The following EPB41L1 variants were observed in gnomAD, a reference collection of about 807,000 sequenced individuals.
The protein encoded by EPB41L1 is band 4.1-like protein 1.
A neutral mutation model predicts 97.8 loss-of-function variants in EPB41L1; 29 were observed. That is an observed-to-expected ratio of 0.30 (90% CI 0.22 to 0.40). The LOEUF (loss-of-function observed/expected upper bound fraction) is 0.40. EPB41L1 is among the 10% of genes least tolerant of loss of function. The pLI, the probability that EPB41L1 is intolerant of heterozygous loss-of-function variation, is 1.00. For missense variants in EPB41L1, 812 were observed against 1,162.3 expected, an observed-to-expected ratio of 0.70 and a Z score of 4.38; for synonymous variants, 383 against 459.2, an observed-to-expected ratio of 0.83 and a Z score of 2.12.
Position 36,206,933 on chromosome 20 carries a change from G to A in EPB41L1, c.1669-2555G>A, listed in dbSNP as rs546893182. 9 of 1,289,922 alleles carry A rather than the reference G, an allele frequency of 7.0e-6. No individual in the cohort carries two copies. In the East Asian group the frequency reaches 2.8e-4, roughly 40 times the overall value. The allele number at this position is 1,289,922 out of a possible 1,614,324, so 79.9% of individuals were successfully genotyped here. On this transcript the variant is annotated intron_variant, in intron 14 of 21. Coordinates refer to ENST00000338074, the MANE Select transcript of EPB41L1 (RefSeq NM_012156.2). The surrounding 1 kb of genome is among the most constrained non-coding windows in gnomAD (Gnocchi z 5.5). ...GACCCCCAGGCCTGCGCCCTTCCTC[G>A]GGCCATCCCTCTGAATGTCAGGAAG...
intron 2 of EPB41L1, among the ~76,000 whole-genome samples, chr20:36,116,636 C>T (rs986437780): frequency 1.3e-5 from 2 of 152,324 alleles, no homozygotes; most frequent in South Asian, 4.1e-4. Flanking sequence ...GTGCTCCAGG[C>T]ACCAGAATGG....
Position 36,157,240 on chromosome 20 carries a change from G to A in EPB41L1, c.-15+2344G>A, listed in dbSNP as rs6060829. The stretch of plus-strand genomic sequence containing the variant: ...TCCCTCTCAAAGAAAAAAAAAGGGC[G>A]GGGAGGATGATCATCTCTGCCTGGA... On this transcript the variant is annotated intron_variant, in intron 1 of 21. Transcript: ENST00000338074. 3.1e-3 allele frequency among the ~76,000 whole-genome samples: 470 copies of A among 152,188 alleles called. 7 individuals are homozygous for A. Among genetic ancestry groups the A allele is most frequent in the African/African-American group, 0.011 (439 of 41,540 alleles).
At chr20:36,168,138 C>T (rs1054214113) in intron 1 of EPB41L1, among the ~76,000 whole-genome samples, 1 of 152,146 alleles carries the variant, frequency 6.6e-6, no homozygotes, top group African/African-American at 2.4e-5. Flanking sequence ...GCTGAGTGCC[C>T]CTGGAAGGTG....
rs577211237 is a variant in EPB41L1, at chr20:36,206,634, C to T, written c.1669-2854C>T. The T allele has an allele frequency of 2.7e-4, 343 of 1,289,772 alleles. No individual in the cohort carries two copies. Among genetic ancestry groups the T allele is most frequent in the Admixed American group, 3.7e-4 (16 of 43,566 alleles). 79.9% of individuals were successfully genotyped at this position (1,289,772 alleles called of 1,614,324 possible). ...CTGCTGCTTCCAGCAGGAGCAAGGA[C>T]GAAGCCCACATGACTTCCCCAAAGG... is the stretch of plus-strand genomic sequence containing the variant. On this transcript the variant is annotated intron_variant, in intron 14 of 21. Coordinates refer to ENST00000338074, the MANE Select transcript of EPB41L1 (RefSeq NM_012156.2). The surrounding 1 kb of genome is among the most constrained non-coding windows in gnomAD (Gnocchi z 5.5).
At chr20:36,126,158 A>G (rs912997608) in intron 2 of EPB41L1, among the ~76,000 whole-genome samples, 1 of 152,024 alleles carries the variant, frequency 6.6e-6, no homozygotes, top group Non-Finnish European at 1.5e-5. Context: ...TCTTTCTAAA[A>G]TCTCTGAATG....
chr20:36,218,805 C>A, intron 17 of EPB41L1, 71 bp from the exon 18 acceptor site: 1 of 1,406,088 alleles, frequency 7.1e-7, no homozygotes, highest in Non-Finnish European at 1.0e-6. Context: ...AGCTACATGG[C>A]CACATGCTCC....
chr20:36,178,533 G>T, intron 4 of EPB41L1, 97 bp from the exon 5 acceptor site: 1 of 1,239,316 alleles, frequency 8.1e-7, no homozygotes, highest in South Asian at 1.2e-5. Flanking sequence ...TCCCTACAAG[G>T]GGCTGCTGAC....
rs539561937 is a variant in EPB41L1 at position 36,187,680 on chromosome 20, A to T, written c.790A>T (p.Met264Leu). The T allele has an allele frequency of 5.6e-6, 9 of 1,613,484 alleles. No individual in the cohort carries two copies. The highest frequency in any genetic ancestry group is 6.8e-6 in the Non-Finnish European group (8 of 1,179,612). ...TGATCACTTTCTTTCCCTCAGGGGG[A>T]TGACCCCGGGAGAAGCAGAAATCCA... ...IMELHKTYRGMTPGEAEIHFL... is the reference protein window; with the variant it reads ...IMELHKTYRGLTPGEAEIHFL... The change falls in exon 8 of 22, where the codon ATG becomes TTG. Residue 264 changes from methionine to leucine, a missense_variant. Coordinates refer to ENST00000338074, the MANE Select transcript of EPB41L1 (RefSeq NM_012156.2).
intron 1 of EPB41L1, among the ~76,000 whole-genome samples, chr20:36,169,704 C>G (rs1052536926): frequency 2.0e-5 from 3 of 152,224 alleles, no homozygotes; most frequent in Non-Finnish European, 4.4e-5. Flanking sequence ...CCTGCATCTC[C>G]TGTCTAAATG....
chr20:36,185,066 T>A, intron 6 of EPB41L1, 51 bp from the exon 7 acceptor site: 1 of 1,572,214 alleles, frequency 6.4e-7, no homozygotes, highest in Non-Finnish European at 8.7e-7. Context: ...GCTTGGGGGA[T>A]CTAGGGAGGA....
chr20:36,228,425 G>A (rs532299131), intron 21 of EPB41L1, among the ~76,000 whole-genome samples: 9 of 152,326 alleles, frequency 5.9e-5, no homozygotes. Context: ...AACTTGCCAG[G>A]CACTGTGGCG....
chr20:36,135,168 T>A (rs1009476113), intron 2 of EPB41L1, among the ~76,000 whole-genome samples: 6 of 152,182 alleles, frequency 3.9e-5, no homozygotes, highest in African/African-American at 1.4e-4. Context: ...CAGCCTACTT[T>A]GTATTGTCTA....
At chr20:36,203,400 C>A (rs1469916911) in intron 14 of EPB41L1, among the ~76,000 whole-genome samples, 1 of 152,228 alleles carries the variant, frequency 6.6e-6, no homozygotes, top group African/African-American at 2.4e-5. Context: ...CATTGCCTGG[C>A]ACATAGCAAC....
At chr20:36,218,699 T>C (rs555898025) in intron 17 of EPB41L1, among the ~76,000 whole-genome samples, 177 bp from the exon 18 acceptor site, 60 of 152,356 alleles carry the variant, frequency 3.9e-4, no homozygotes, top group Non-Finnish European at 6.8e-4. Flanking sequence ...AGTGAACAAA[T>C]GTGTGCCTGA....
chr20:36,154,713 A>AGCC (rs1008384492), upstream of EPB41L1: 75 of 983,456 alleles, frequency 7.6e-5, no homozygotes, highest in Middle Eastern at 5.2e-4. The surrounding 1 kb of genome is among the most constrained non-coding windows in gnomAD (Gnocchi z 5.5). Context: ...GCGCACGCCG[A>AGCC]GCCGCCGCCG....
chr20:36,185,697 C>T (rs1020987177), intron 7 of EPB41L1, among the ~76,000 whole-genome samples: 1 of 152,104 alleles, frequency 6.6e-6, no homozygotes, highest in African/African-American at 2.4e-5. Context: ...AGTTTGGACC[C>T]GAAAGCCAGC....
rs570016710 is a variant in EPB41L1, at chr20:36,171,260, T to C, written c.-14-2504T>C. 3.3e-5 allele frequency among the ~76,000 whole-genome samples: 5 copies of C among 152,208 alleles called. No individual in the cohort carries two copies. In the East Asian group the frequency reaches 7.7e-4, roughly 24 times the overall value. On this transcript the variant is annotated intron_variant, in intron 1 of 21. Coordinates refer to ENST00000338074, the MANE Select transcript of EPB41L1 (RefSeq NM_012156.2). ...GGCTCAGAAAAGATCCTGAGCCCGG[T>C]GCACCGGTATCATTTGGACCCTTCC...
At chr20:36,172,848 C>T (rs1206152962) in intron 1 of EPB41L1, among the ~76,000 whole-genome samples, 1 of 152,220 alleles carries the variant, frequency 6.6e-6, no homozygotes, top group East Asian at 1.9e-4. Flanking sequence ...GATCCGCCCT[C>T]CCTGGCCTCC....
chr20:36,154,143 A>G (rs2060169409), upstream of EPB41L1, among the ~76,000 whole-genome samples: 1 of 151,590 alleles, frequency 6.6e-6, no homozygotes, highest in Non-Finnish European at 1.5e-5. The surrounding 1 kb of genome is among the most constrained non-coding windows in gnomAD (Gnocchi z 5.5). Context: ...GATTCCCAGG[A>G]GACAGTTGTA....
Sources: allele counts gnomAD v4.1 joint callset (sites outside exome capture counted in the v4.1 genomes callset), GRCh38; gene constraint gnomAD v4.1.1; non-coding constraint Gnocchi (gnomAD v3.1); transcripts MANE v1.5; gene names NCBI Gene and HGNC (gene_info 2026-07-23, HGNC 2026-07-21).